The following DMBT1 variants were observed in gnomAD, a reference collection of about 807,000 sequenced individuals.
DMBT1 encodes the protein deleted in malignant brain tumors 1.
Under a neutral mutation model 252.9 loss-of-function variants are expected in DMBT1, and 198 were observed. That is an observed-to-expected ratio of 0.78 (90% CI 0.70 to 0.88). The LOEUF (loss-of-function observed/expected upper bound fraction) is 0.88, where lower values mean the gene tolerates loss of function less well. DMBT1 is among the 40% of genes least tolerant of loss of function. The pLI is 0.00. For missense variants in DMBT1, 2,432 were observed against 2,404.7 expected (o/e 1.01, Z -0.24); for synonymous variants, 990 against 942.7 (o/e 1.05, Z -0.92).
At position 122,635,981 on chromosome 10, in the gene DMBT1, C is replaced by G. The variant is rs373973419; in HGVS notation, c.6549-10C>G. The G allele has an allele frequency of 8.7e-6, 14 of 1,613,730 alleles. No individual in the cohort carries two copies. The African/African-American group carries it at 1.3e-4, about 15-fold the overall frequency. ...GAAATGAAGCCAAATGGTGTGTCCT[C>G]TCTCTGCAGGCTTGAAGGTGGCTGC... On this transcript the variant is annotated splice_polypyrimidine_tract_variant and intron_variant, in intron 52 of 55. Coordinates refer to ENST00000338354, the MANE Select transcript of DMBT1 (RefSeq NM_001377530.1).
chr10:122,630,403 T>G lies in DMBT1; in HGVS notation c.5938T>G (p.Ser1980Ala). The G allele has an allele frequency of 6.2e-7, 1 of 1,614,032 alleles. No homozygotes were observed. The highest frequency in any genetic ancestry group is 1.1e-5 in the South Asian group (1 of 91,076). ...TGATACCAGGCAAATATTTACATCT[T>G]CTTACAACCGAATGACCATTCACTT... ...CNDTRQIFTS[S>A]YNRMTIHFRS... Residue 1980 changes from serine to alanine, a missense_variant, in exon 48 of 56, where the codon TCT becomes GCT. Transcript: ENST00000338354.
intron 49 of DMBT1, 116 bp downstream of exon 49, chr10:122,631,397 C>T (rs781491513): frequency 4.0e-5 from 53 of 1,317,622 alleles, no homozygotes; most frequent in Middle Eastern, 4.4e-4. Context: ...ATTGTGTCCT[C>T]GTGGCCTGCG....
chr10:122,579,085 G>A (rs1436191017), intron 9 of DMBT1, among the ~76,000 whole-genome samples: 1 of 152,114 alleles, frequency 6.6e-6, no homozygotes, highest in Non-Finnish European at 1.5e-5. Context: ...ATATTGGAGG[G>A]TGGAGGGTGC....
chr10:122,578,796 T>G lies in DMBT1; in HGVS notation c.679+37T>G, dbSNP rs752417262. 8.9e-6 allele frequency: 14 copies of G among 1,566,720 alleles called. No individual in the cohort carries two copies. The Admixed American group carries it at 2.5e-4, about 28-fold the overall frequency. ...TCTCAACACTCCCTGGGGCTCACTT[T>G]CTACCTCTGGATACACTTTGGATTT... On this transcript the variant is annotated intron_variant, in intron 9 of 55. Transcript: ENST00000338354.
chr10:122,619,393 C>G, intron 42 of DMBT1, 56 bp downstream of exon 42: 1 of 1,607,480 alleles, frequency 6.2e-7, no homozygotes, highest in Non-Finnish European at 8.5e-7. Context: ...CCAGTTACCT[C>G]TTCCCCACTC....
Position 122,625,788 on chromosome 10 carries a change from G to A in DMBT1, c.5636-145G>A. On this transcript the variant is annotated intron_variant, in intron 45 of 55. Coordinates refer to ENST00000338354, the MANE Select transcript of DMBT1 (RefSeq NM_001377530.1). ...GTGCTACATACTCTAGACCTTACTG[G>A]CCATGAACAGTGTAAACTGGAATGG... 10 of 722,380 alleles carry A rather than the reference G, an allele frequency of 1.4e-5. No individual in the cohort carries two copies. In the South Asian group the frequency reaches 1.6e-4, roughly 12 times the overall value. The allele number at this position is 722,380 out of a possible 1,614,324, so 44.7% of individuals were successfully genotyped here.
intron 6 of DMBT1, among the ~76,000 whole-genome samples, chr10:122,574,088 C>A (rs1393870698): frequency 6.6e-6 from 1 of 152,198 alleles, no homozygotes. Context: ...GCCTAGGGTT[C>A]TGGATCTCTG....
At chr10:122,639,443 T>A (rs1844092340) in intron 54 of DMBT1, among the ~76,000 whole-genome samples, 2 of 151,850 alleles carry the variant, frequency 1.3e-5, no homozygotes, top group African/African-American at 4.8e-5. Flanking sequence ...TTTTATAGGA[T>A]TTGGGTAGGT....
rs1565688466 is a variant in DMBT1, at chr10:122,586,159, A to T, written c.1559A>T (p.Asp520Val). 1.3e-6 allele frequency: 2 copies of T among 1,589,220 alleles called. No homozygotes were observed. The highest frequency in any genetic ancestry group is 8.6e-7 in the Non-Finnish European group (1 of 1,166,116). Residue 520 changes from aspartate to valine, a missense_variant, in exon 16 of 56, where the codon GAT (aspartate) becomes GTT (valine). Asp to Val is a radical substitution (Grantham distance 152). Transcript: ENST00000338354. ...LYRGSWGTVC[D>V]DSWDTNDANV... The stretch of plus-strand genomic sequence containing the variant: ...CGAGGCTCCTGGGGCACCGTGTGTG[A>T]TGACAGCTGGGACACCAATGATGCC...
chr10:122,643,002 G>A lies in DMBT1; in HGVS notation c.7353-120G>A, dbSNP rs189476646. 32 of 1,321,896 alleles carry A rather than the reference G, an allele frequency of 2.4e-5. No individual in the cohort carries two copies. The East Asian group carries it at 7.4e-4, about 31-fold the overall frequency. 81.9% of individuals were successfully genotyped at this position (1,321,896 alleles called of 1,614,324 possible). On this transcript the variant is annotated intron_variant, in intron 55 of 55. Transcript: ENST00000338354. ...CCACACGTTCTGACAGAAGGAAGGT[G>A]AGGTGTGCAGGAGGCAGGGGCAGTG...
At position 122,598,897 on chromosome 10, in the gene DMBT1, C is replaced by G. The variant is rs377586374; in HGVS notation, c.3080C>G (p.Ala1027Gly). 1 of 1,613,834 alleles carries G rather than the reference C, an allele frequency of 6.2e-7. No homozygotes were observed. Among genetic ancestry groups the G allele is most frequent in the South Asian group, 1.1e-5 (1 of 91,072 alleles). Residue 1027 changes from alanine to glycine, a missense_variant, in exon 26 of 56, where the codon GCC becomes GGC. Physicochemically the swap from Ala to Gly is moderately conservative, Grantham distance 60. Around this residue, in one of 3 missense-constraint regions of DMBT1, gnomAD observed 1,264 missense variants for 1,082.2 expected, o/e 1.17. Transcript: ENST00000338354. ...GATGACAGCTGGGACACCAATGATG[C>G]CAATGTCGTCTGCAGGCAACTGGGC... ...VCDDSWDTND[A>G]NVVCRQLGCG...
Position 122,633,318 on chromosome 10 carries a change from G to T in DMBT1, c.6525G>T (p.Val2175=). Residue 2175 remains valine, a synonymous_variant, in exon 52 of 56, where the codon GTG becomes GTT. Coordinates refer to ENST00000338354, the MANE Select transcript of DMBT1 (RefSeq NM_001377530.1). Reference sequence around the variant, plus strand: ...TTGAGGTGCAAAACAACTACCGTGTGACTGTGATCTTCAGAGATGTCCAGT... The same window carrying T: ...TTGAGGTGCAAAACAACTACCGTGTTACTGTGATCTTCAGAGATGTCCAGT... The part of the protein sequence containing the change: ...WDIEVQNNYR[V]TVIFRDVQLE... The T allele has an allele frequency of 6.2e-7, 1 of 1,614,028 alleles. No homozygotes were observed. Among genetic ancestry groups the T allele is most frequent in the Non-Finnish European group, 8.5e-7 (1 of 1,179,908 alleles).
At chr10:122,563,949 C>T (rs1012003170) in intron 1 of DMBT1, among the ~76,000 whole-genome samples, 1 of 152,168 alleles carries the variant, frequency 6.6e-6, no homozygotes, top group Non-Finnish European at 1.5e-5. Context: ...TTAGGCACAT[C>T]TATCAGCTCG....
chr10:122,629,790 A>C, intron 46 of DMBT1, 50 bp from the exon 47 acceptor site: 2 of 1,589,928 alleles, frequency 1.3e-6, no homozygotes, highest in Middle Eastern at 1.7e-4. Flanking sequence ...CCTTGTCACA[A>C]AATACCTGAA....
At chr10:122,587,976 C>T (rs1236754149) in intron 16 of DMBT1, among the ~76,000 whole-genome samples, 1 of 148,436 alleles carries the variant, frequency 6.7e-6, no homozygotes, top group Non-Finnish European at 1.5e-5. Flanking sequence ...GCTTACTGGG[C>T]TGAAGAGTTG....
Position 122,621,284 on chromosome 10 carries a change from T to C in DMBT1, c.5512T>C (p.Cys1838Arg). The C allele has an allele frequency of 6.2e-7, 1 of 1,613,856 alleles. No individual in the cohort carries two copies. Among genetic ancestry groups the C allele is most frequent in the Non-Finnish European group, 8.5e-7 (1 of 1,179,756 alleles). Reference sequence around the variant, plus strand: ...ACCCATTGTCCTGGATGATGTGCGCTGCTCAGGGAATGAGTCCTACCTGTG... The same window carrying C: ...ACCCATTGTCCTGGATGATGTGCGCCGCTCAGGGAATGAGTCCTACCTGTG... ...SGPIVLDDVR[C>R]SGNESYLWSC... Residue 1838 changes from cysteine to arginine, a missense_variant, in exon 44 of 56, where the codon TGC becomes CGC. Transcript: ENST00000338354.
intron 52 of DMBT1, among the ~76,000 whole-genome samples, chr10:122,634,439 TCTCTCTCTCTCTCTCTCTCTCTCTC>T (rs1566007594): frequency 2.2e-4 from 11 of 49,676 alleles, no homozygotes; most frequent in South Asian, 1.5e-3. Flanking sequence ...CTTCTCTCTC[TCTCTCTCTCTCTCTCTCTCTCTCTC>T]TCTCTCTCTC....
chr10:122,585,295 C>A lies in DMBT1; in HGVS notation c.1445C>A (p.Pro482His). 6.3e-7 allele frequency: 1 copy of A among 1,586,926 alleles called. No homozygotes were observed. Among genetic ancestry groups the A allele is most frequent in the Non-Finnish European group, 8.6e-7 (1 of 1,164,546 alleles). The change falls in exon 15 of 56, where the codon CCT becomes CAT. Residue 482 changes from proline to histidine, a missense_variant. By Grantham distance (77) the Pro-to-His change is moderately conservative. Transcript: ENST00000338354. ...GACACGTTGCCGACCATCACCTTAC[C>A]TGCATCGACAGTAGGTAAATAATCC... ...SPDTLPTITLPASTVGSESSL... is the reference protein window; with the variant it reads ...SPDTLPTITLHASTVGSESSL...
chr10:122,617,278 C>A lies in DMBT1; in HGVS notation c.4891+18C>A, dbSNP rs1488799124. The A allele has an allele frequency of 6.2e-7, 1 of 1,608,236 alleles. No individual in the cohort carries two copies. Among genetic ancestry groups the A allele is most frequent in the African/African-American group, 1.3e-5 (1 of 74,178 alleles). On this transcript the variant is annotated intron_variant, in intron 40 of 55. Coordinates refer to ENST00000338354, the MANE Select transcript of DMBT1 (RefSeq NM_001377530.1). Reference sequence around the variant, plus strand: ...AACAGCAGGTAAACAATCCTCTCACCCCTCCCTAGGGCTCACTATCTCTGG... The same window carrying A: ...AACAGCAGGTAAACAATCCTCTCACACCTCCCTAGGGCTCACTATCTCTGG...
Sources: allele counts gnomAD v4.1 joint callset (sites outside exome capture counted in the v4.1 genomes callset), GRCh38; gene constraint gnomAD v4.1.1; regional missense constraint gnomAD v4.1.1; transcripts MANE v1.5; gene names NCBI Gene and HGNC (gene_info 2026-07-23, HGNC 2026-07-21).